The following TPX2 variants were observed in gnomAD, a reference collection of about 807,000 sequenced individuals.
TPX2 encodes targeting protein for Xklp2.
Under a neutral mutation model 93.6 loss-of-function variants are expected in TPX2, and 21 were observed. That is an observed-to-expected ratio of 0.22 (90% confidence interval 0.16 to 0.32). The LOEUF is 0.32. TPX2 is among the 10% of genes least tolerant of loss of function. The pLI is 1.00. For synonymous variants in TPX2, 281 were observed against 298.3 expected, an observed-to-expected ratio of 0.94 and a Z score of 0.60; for missense variants, 776 against 871.1, an observed-to-expected ratio of 0.89 and a Z score of 1.37.
intron 3 of TPX2, among the ~76,000 whole-genome samples, chr20:31,759,395 CGT>C (rs2061873116): frequency 7.9e-6 from 1 of 126,606 alleles, no homozygotes; most frequent in Non-Finnish European, 1.6e-5. Flanking sequence ...AGTTTTCTTT[CGT>C]TTTTTTTTTT....
At chr20:31,744,224 C>T (rs1307335445) in intron 2 of TPX2, among the ~76,000 whole-genome samples, 3 of 136,528 alleles carry the variant, frequency 2.2e-5, no homozygotes, top group African/African-American at 5.7e-5. Flanking sequence ...TGCAATGGCG[C>T]GATCTCTGGC....
intron 12 of TPX2, among the ~76,000 whole-genome samples, chr20:31,784,629 C>T (rs781065605): frequency 6.6e-6 from 1 of 152,074 alleles, no homozygotes; most frequent in East Asian, 1.9e-4. Flanking sequence ...AAAAGCCTGA[C>T]GGTGGGAAAC....
chr20:31,744,159 C>CTT (rs11465034), intron 2 of TPX2, among the ~76,000 whole-genome samples: 1,171 of 112,230 alleles, frequency 0.01, 50 homozygotes, highest in Middle Eastern at 0.022. Context: ...ATTTTTTTAA[C>CTT]TTTTTTTTTT....
At chr20:31,757,703 G>C in intron 3 of TPX2, 121 bp downstream of exon 3, 1 of 697,924 alleles carries the variant, frequency 1.4e-6, no homozygotes, top group East Asian at 2.7e-5. Context: ...TCTGCACCAA[G>C]ACATTCTGTC....
intron 5 of TPX2, among the ~76,000 whole-genome samples, chr20:31,768,739 A>G (rs2061944975): frequency 6.6e-6 from 1 of 152,224 alleles, no homozygotes; most frequent in African/African-American, 2.4e-5. Flanking sequence ...AGAATTACAA[A>G]TCAATTAGTA....
chr20:31,750,653 A>G (rs1467173432), intron 2 of TPX2, among the ~76,000 whole-genome samples: 1 of 152,006 alleles, frequency 6.6e-6, no homozygotes, highest in Admixed American at 6.6e-5. Context: ...TTTAGTAGAA[A>G]GATGGGGTTT....
intron 12 of TPX2, among the ~76,000 whole-genome samples, chr20:31,786,326 TAA>T (rs1052661524): frequency 5.1e-5 from 7 of 138,506 alleles, no homozygotes; most frequent in African/African-American, 5.2e-5. Flanking sequence ...TGTGCTTATT[TAA>T]AAAAAAAAAA....
chr20:31,766,819 G>C, intron 5 of TPX2, 137 bp downstream of exon 5: 1 of 776,816 alleles, frequency 1.3e-6, no homozygotes. Flanking sequence ...TTTTTTTTGA[G>C]ACGGAGTGTT....
intron 1 of TPX2, among the ~76,000 whole-genome samples, chr20:31,741,624 G>T (rs1050972789): frequency 6.6e-6 from 1 of 151,346 alleles, no homozygotes; most frequent in Non-Finnish European, 1.5e-5. Context: ...GACTACAGGC[G>T]CATGCCACCA....
chr20:31,771,611 T>C lies in TPX2; in HGVS notation c.537T>C (p.Thr179=). ...PEEEGSAHQD[T]AEKNASSPEK... ...AAGAAGGCAGTGCTCATCAAGATAC[T>C]GCTGAAAAGAATGCATCTTCCCCAG... Residue 179 remains threonine, a synonymous_variant, in exon 7 of 18, where the codon ACT becomes ACC. Coordinates refer to ENST00000300403, the MANE Select transcript of TPX2 (RefSeq NM_012112.5). 6.2e-7 allele frequency: 1 copy of C among 1,614,034 alleles called. No individual in the cohort carries two copies. The highest frequency in any genetic ancestry group is 8.5e-7 in the Non-Finnish European group (1 of 1,179,972).
chr20:31,772,072 G>A (rs1178017863), intron 7 of TPX2, among the ~76,000 whole-genome samples: 2 of 149,510 alleles, frequency 1.3e-5, no homozygotes, highest in African/African-American at 2.5e-5. Context: ...CCAGGCTGGA[G>A]TGCAGTGGCA....
intron 11 of TPX2, among the ~76,000 whole-genome samples, chr20:31,782,883 CACACAT>C (rs751632142): frequency 0.014 from 1,380 of 101,922 alleles, 12 homozygotes; most frequent in Non-Finnish European, 0.022. Flanking sequence ...CTTGCACATA[CACACAT>C]ACACACACAC....
At chr20:31,756,145 G>A (rs1332193972) in intron 2 of TPX2, among the ~76,000 whole-genome samples, 1 of 152,224 alleles carries the variant, frequency 6.6e-6, no homozygotes, top group East Asian at 1.9e-4. Flanking sequence ...ACTGTGTTAA[G>A]CACCTTGATG....
chr20:31,775,741 A>G (rs2061992260), intron 7 of TPX2, 126 bp from the exon 8 acceptor site: 1 of 923,270 alleles, frequency 1.1e-6, no homozygotes, highest in South Asian at 3.9e-5. Flanking sequence ...TTATTAGATG[A>G]TATTTTTTGG....
At chr20:31,767,360 C>G (rs1470515385) in intron 5 of TPX2, among the ~76,000 whole-genome samples, 1 of 150,334 alleles carries the variant, frequency 6.7e-6, no homozygotes, top group African/African-American at 2.5e-5. Flanking sequence ...TTCTGTATTA[C>G]TTTAGCTCTC....
Position 31,754,522 on chromosome 20 carries a change from A to T in TPX2, c.-70-2885A>T, listed in dbSNP as rs553997685. On this transcript the variant is annotated intron_variant, in intron 2 of 17. Coordinates refer to ENST00000300403, the MANE Select transcript of TPX2 (RefSeq NM_012112.5). ...GCTTATGTGGTATAGTTTAGAGAAA[A>T]TGAGTGCTGCAGTGCCCAGAGTTGG... Among the ~76,000 whole-genome samples, 8 of 152,308 alleles carry T rather than the reference A, an allele frequency of 5.3e-5. No homozygotes were observed. In the South Asian group the frequency reaches 1.5e-3, roughly 28 times the overall value.
At chr20:31,757,121 G>A (rs1271921583) in intron 2 of TPX2, among the ~76,000 whole-genome samples, 2 of 151,790 alleles carry the variant, frequency 1.3e-5, no homozygotes, top group African/African-American at 4.8e-5. Context: ...TCTATGTTTT[G>A]TAGGCTGGAC....
chr20:31,779,343 C>G (rs924402081), intron 10 of TPX2, among the ~76,000 whole-genome samples: 3 of 152,152 alleles, frequency 2.0e-5, no homozygotes, highest in African/African-American at 7.2e-5. Flanking sequence ...AGGCTATGTG[C>G]TTTTTATTCA....
intron 17 of TPX2, among the ~76,000 whole-genome samples, chr20:31,799,460 G>C (rs1260767206): frequency 1.3e-5 from 2 of 152,144 alleles, no homozygotes; most frequent in Admixed American, 6.5e-5. Flanking sequence ...TACAATAAGT[G>C]GATGTTATGT....
Sources: allele counts gnomAD v4.1 joint callset (sites outside exome capture counted in the v4.1 genomes callset), GRCh38; gene constraint gnomAD v4.1.1; transcripts MANE v1.5; gene names NCBI Gene and HGNC (gene_info 2026-07-23, HGNC 2026-07-21).